Variants in PCDHA6 observed in about 807,000 individuals in gnomAD.
PCDHA6 encodes protocadherin alpha-6.
In PCDHA6, 55 loss-of-function variants were observed where a neutral mutation model predicts 60.3. The ratio of observed to expected loss-of-function variants is 0.91; its 90% confidence interval spans 0.73 to 1.14. The LOEUF (loss-of-function observed/expected upper bound fraction) is 1.14. Ranked by LOEUF, PCDHA6 falls within the 50% of genes most tolerant of loss-of-function variation. The pLI is 0.00. For synonymous variants in PCDHA6, 652 were observed against 557.9 expected, an observed-to-expected ratio of 1.17 and a Z score of -2.38; for missense variants, 1,327 against 1,256.5, an observed-to-expected ratio of 1.06 and a Z score of -0.85.
intron 1 of PCDHA6, among the ~76,000 whole-genome samples, chr5:140,930,807 A>G (rs2087132034): frequency 6.6e-6 from 1 of 152,206 alleles, no homozygotes; most frequent in Non-Finnish European, 1.5e-5. Flanking sequence ...AGCATATAAG[A>G]TATGCTTAGT....
chr5:140,834,757 A>G (rs2150225607), intron 1 of PCDHA6: 7 of 1,614,134 alleles, frequency 4.3e-6, no homozygotes, highest in Non-Finnish European at 5.9e-6. Context: ...GAGGTGAAGG[A>G]CATTAACGAC....
At chr5:140,939,253 G>C (rs1399135372) in intron 1 of PCDHA6, among the ~76,000 whole-genome samples, 2 of 152,060 alleles carry the variant, frequency 1.3e-5, no homozygotes, top group African/African-American at 4.8e-5. Context: ...TAGCTCTCTG[G>C]AACCTCTTTT....
intron 1 of PCDHA6, among the ~76,000 whole-genome samples, chr5:140,961,425 T>G (rs2095610907): frequency 6.6e-6 from 1 of 152,226 alleles, no homozygotes; most frequent in Admixed American, 6.5e-5. Context: ...TTTAAACAAT[T>G]ACAAAATCAC....
At chr5:141,005,032 T>A (rs1031521338) in intron 3 of PCDHA6, among the ~76,000 whole-genome samples, 2 of 152,228 alleles carry the variant, frequency 1.3e-5, no homozygotes, top group Non-Finnish European at 2.9e-5. Context: ...TAATTGCCCA[T>A]ATGTGATACC....
chr5:140,871,141 C>T (rs1431247385), intron 1 of PCDHA6: 1 of 1,613,320 alleles, frequency 6.2e-7, no homozygotes, highest in Admixed American at 1.7e-5. Context: ...GGCCTCTTCC[C>T]GGACTTTGGC....
intron 1 of PCDHA6, among the ~76,000 whole-genome samples, chr5:140,917,068 GAGTTTAATGTAAAGTTCCCC>G (rs1192645655): frequency 1.3e-5 from 2 of 152,066 alleles, no homozygotes; most frequent in Non-Finnish European, 2.9e-5. Context: ...CGACAGCACC[GAGTTTAATGTAAAGTTCCCC>G]AGTTGCTGTG....
chr5:141,000,913 A>G (rs967026969), intron 3 of PCDHA6, among the ~76,000 whole-genome samples: 1 of 152,218 alleles, frequency 6.6e-6, no homozygotes, highest in African/African-American at 2.4e-5. Context: ...GTCTCTAAAA[A>G]AAAAAATCCT....
intron 1 of PCDHA6, among the ~76,000 whole-genome samples, chr5:140,893,950 T>A (rs1244558882): frequency 6.6e-6 from 1 of 152,206 alleles, no homozygotes; most frequent in Non-Finnish European, 1.5e-5. Flanking sequence ...TCTGCATGAC[T>A]TTATTAGTCA....
At position 140,967,061 on chromosome 5, in the gene PCDHA6, C is replaced by G. The variant is rs1554229125; in HGVS notation, c.2395-11888C>G. The G allele has an allele frequency of 1.9e-6, 3 of 1,612,886 alleles. No individual in the cohort carries two copies. The Admixed American group carries it at 5.0e-5, about 27-fold the overall frequency. On this transcript the variant is annotated intron_variant, in intron 1 of 3. Coordinates refer to ENST00000529310, the MANE Select transcript of PCDHA6 (RefSeq NM_018909.4). ...GGAGCTGGACCTGACGAGTGGAGCG[C>G]TCTTCGTCAACGAGCGCATTGATCG...
intron 1 of PCDHA6, among the ~76,000 whole-genome samples, chr5:140,892,256 A>AT (rs1283359328): frequency 6.6e-6 from 1 of 151,996 alleles, no homozygotes; most frequent in Non-Finnish European, 1.5e-5. Context: ...GTTATCTTTG[A>AT]TTTTGTGCTG....
chr5:140,969,393 C>T, intron 1 of PCDHA6: 1 of 1,590,146 alleles, frequency 6.3e-7, no homozygotes. Flanking sequence ...CCCCCAATAT[C>T]CTGTGATTTG....
At chr5:141,000,405 A>ATG (rs2097918195) in intron 3 of PCDHA6, among the ~76,000 whole-genome samples, 3 of 88,878 alleles carry the variant, frequency 3.4e-5, no homozygotes, top group African/African-American at 1.4e-4. Flanking sequence ...CTATATATAT[A>ATG]TATATATATA....
chr5:140,992,017 C>CTGTGTGTGTGTG (rs10602499), intron 3 of PCDHA6, among the ~76,000 whole-genome samples: 10 of 145,628 alleles, frequency 6.9e-5, no homozygotes, highest in African/African-American at 2.3e-4. Flanking sequence ...AGAGGTGGCT[C>CTGTGTGTGTGTG]TGTGTGTGTG....
chr5:140,913,073 G>A (rs529914576), intron 1 of PCDHA6, among the ~76,000 whole-genome samples: 7 of 152,184 alleles, frequency 4.6e-5, no homozygotes, highest in Admixed American at 1.3e-4. Flanking sequence ...ATGTGTCATT[G>A]TTTGGTATCA....
intron 1 of PCDHA6, chr5:140,863,233 C>A (rs2047882202): frequency 1.6e-6 from 2 of 1,240,300 alleles, no homozygotes; most frequent in South Asian, 1.2e-5. Flanking sequence ...GGTCCCATCG[C>A]GGGCTTTGGC....
chr5:140,959,060 T>C (rs1201389008), intron 1 of PCDHA6, among the ~76,000 whole-genome samples: 1 of 152,138 alleles, frequency 6.6e-6, no homozygotes, highest in Admixed American at 6.5e-5. Context: ...AAATGCAGTA[T>C]ATATAGAATT....
rs782492418 is a variant in PCDHA6 at position 140,858,271 on chromosome 5, C to T, written c.2394+27786C>T. On this transcript the variant is annotated intron_variant, in intron 1 of 3. Coordinates refer to ENST00000529310, the MANE Select transcript of PCDHA6 (RefSeq NM_018909.4). ...TGAAGCCCACGCTGGTGTGCTCTAGCGCGGTGGGGAGCTGGTCTTACTCGC... is the reference window on the plus strand; with the variant it reads ...TGAAGCCCACGCTGGTGTGCTCTAGTGCGGTGGGGAGCTGGTCTTACTCGC... 2.3e-5 allele frequency: 37 copies of T among 1,597,010 alleles called. 3 individuals are homozygous for T. The highest frequency in any genetic ancestry group is 8.4e-5 in the Admixed American group (5 of 59,172).
chr5:140,863,445 C>A, intron 1 of PCDHA6: 1 of 582,886 alleles, frequency 1.7e-6, no homozygotes, highest in South Asian at 1.4e-5. Flanking sequence ...GTCTTACTCG[C>A]AGCAAAGGAG....
At position 140,941,221 on chromosome 5, in the gene PCDHA6, T is replaced by TTC. The variant is rs1217645089; in HGVS notation, c.2395-37726_2395-37725dup. Among the ~76,000 whole-genome samples the TTC allele has an allele frequency of 5.2e-4, 68 of 131,640 alleles. 1 individual carries two copies. Among genetic ancestry groups the TTC allele is most frequent in the African/African-American group, 2.0e-3 (67 of 33,088 alleles). 86.4% of individuals were successfully genotyped at this position (131,640 alleles called of 152,430 possible). A position where few individuals can be genotyped will look rare whatever the true frequency, so the allele number is the denominator to read the frequency against. Reference sequence around the variant, plus strand: ...TTTCTTCCTTTCTTTCTTCCTTTCTTTCTTTCTTTCTTTCTTTCTTTCTTT... The same window carrying TTC: ...TTTCTTCCTTTCTTTCTTCCTTTCTTTCTCTTTCTTTCTTTCTTTCTTTCTTT... On this transcript the variant is annotated intron_variant, in intron 1 of 3. Transcript: ENST00000529310.
Sources: gnomAD v4.1 joint callset for allele counts (sites outside exome capture counted in the v4.1 genomes callset) on GRCh38, gnomAD v4.1.1 for gene constraint, MANE v1.5 for transcripts, NCBI Gene and HGNC (gene_info 2026-07-23, HGNC 2026-07-21) for gene names.